XPR1: variants seen among roughly 807,000 people sequenced by gnomAD.
XPR1 encodes solute carrier family 53 member 1.
Under a neutral mutation model 87.5 loss-of-function variants are expected in XPR1, and 28 were observed. The ratio of observed to expected loss-of-function variants is 0.32; its 90% confidence interval spans 0.24 to 0.44. The LOEUF is 0.44. Ranked by LOEUF, XPR1 falls within the 20% of genes least tolerant of loss-of-function variation. XPR1 has a pLI of 1.00. For synonymous variants in XPR1, 300 were observed against 306.1 expected, an observed-to-expected ratio of 0.98 and a Z score of 0.21; for missense variants, 559 against 862.3, an observed-to-expected ratio of 0.65 and a Z score of 4.41.
intron 1 of XPR1, among the ~76,000 whole-genome samples, chr1:180,669,168 C>T (rs1371670283): frequency 6.6e-6 from 1 of 151,640 alleles, no homozygotes; most frequent in Non-Finnish European, 1.5e-5. Flanking sequence ...GTACCACATG[C>T]ACTTGAAAAG....
chr1:180,798,079 ACTGGAAAGAAATC>A (rs1158956168), intron 3 of XPR1, among the ~76,000 whole-genome samples: 13 of 152,176 alleles, frequency 8.5e-5, no homozygotes. Context: ...AATATGGAAG[ACTGGAAAGAAATC>A]CTAATAATCT....
chr1:180,845,695 T>G (rs1404515152), intron 11 of XPR1, among the ~76,000 whole-genome samples: 3 of 152,152 alleles, frequency 2.0e-5, no homozygotes, highest in African/African-American at 7.2e-5. Context: ...TAATTTTTAT[T>G]ATTGTTTTTA....
intron 2 of XPR1, among the ~76,000 whole-genome samples, chr1:180,753,509 G>T (rs1178664579): frequency 6.6e-6 from 1 of 151,210 alleles, no homozygotes; most frequent in Non-Finnish European, 1.5e-5. Context: ...AGCTGAGATC[G>T]TGCCACTGTA....
intron 1 of XPR1, among the ~76,000 whole-genome samples, chr1:180,641,983 A>G (rs915057036): frequency 1.4e-4 from 22 of 152,318 alleles, no homozygotes; most frequent in African/African-American, 5.3e-4. Context: ...CTCTGCATTA[A>G]TACATTTATC....
intron 2 of XPR1, among the ~76,000 whole-genome samples, chr1:180,696,216 A>G (rs57934607): frequency 0.022 from 2,774 of 127,684 alleles, 31 homozygotes; most frequent in Non-Finnish European, 0.032. Context: ...GTGTATATAT[A>G]TATATATATA....
At chr1:180,765,193 G>A (rs1257567758) in intron 2 of XPR1, among the ~76,000 whole-genome samples, 1 of 152,186 alleles carries the variant, frequency 6.6e-6, no homozygotes, top group Admixed American at 6.5e-5. Context: ...GAGAGTAAGT[G>A]ACTTGTGTGA....
intron 13 of XPR1, chr1:180,874,175 G>C (rs908514881): frequency 4.6e-6 from 2 of 430,270 alleles, no homozygotes; most frequent in Non-Finnish European, 8.2e-6. Context: ...GATTACAGGC[G>C]TGAGCTACTG....
chr1:180,764,089 T>TTA (rs1648171994), intron 2 of XPR1, among the ~76,000 whole-genome samples: 1 of 152,208 alleles, frequency 6.6e-6, no homozygotes, highest in Non-Finnish European at 1.5e-5. Context: ...TTGCTTGTCA[T>TTA]TATAGTGTAT....
chr1:180,638,988 A>C (rs1326981318), intron 1 of XPR1, among the ~76,000 whole-genome samples: 1 of 152,084 alleles, frequency 6.6e-6, no homozygotes, highest in Non-Finnish European at 1.5e-5. Context: ...ATGTATAGGG[A>C]CTGATCAGAA....
At chr1:180,659,193 TCTTC>T (rs550840483) in intron 1 of XPR1, among the ~76,000 whole-genome samples, 3,529 of 79,334 alleles carry the variant, frequency 0.044, 165 homozygotes, top group East Asian at 0.093. Context: ...CTGTAGTCAG[TCTTC>T]CTTCCTTCCT....
intron 2 of XPR1, among the ~76,000 whole-genome samples, chr1:180,774,429 C>T (rs1470900271): frequency 7.4e-5 from 9 of 121,938 alleles, no homozygotes; most frequent in Admixed American, 1.1e-4. Flanking sequence ...CTTGGTCTGT[C>T]GCCCAGGCTG....
At chr1:180,778,271 A>C (rs1648800821) in intron 2 of XPR1, among the ~76,000 whole-genome samples, 1 of 152,184 alleles carries the variant, frequency 6.6e-6, no homozygotes, top group African/African-American at 2.4e-5. Context: ...GGCATGAGCC[A>C]CCACACCTGA....
intron 3 of XPR1, among the ~76,000 whole-genome samples, chr1:180,794,025 G>T (rs958986471): frequency 1.3e-5 from 2 of 151,978 alleles, no homozygotes; most frequent in African/African-American, 4.8e-5. Context: ...TAAATTGTAG[G>T]TCACAACCCA....
At chr1:180,712,200 C>T (rs529785385) in intron 2 of XPR1, among the ~76,000 whole-genome samples, 29 of 152,032 alleles carry the variant, frequency 1.9e-4, no homozygotes, top group Non-Finnish European at 3.5e-4. Context: ...TACTCTTGCC[C>T]TTTGTGGCCA....
intron 11 of XPR1, among the ~76,000 whole-genome samples, chr1:180,846,197 G>A (rs566529417): frequency 1.3e-5 from 2 of 151,292 alleles, no homozygotes; most frequent in Non-Finnish European, 2.9e-5. Context: ...AGGAGGCGGA[G>A]GTTGCAGTGA....
chr1:180,782,248 A>C (rs971886092), intron 2 of XPR1, among the ~76,000 whole-genome samples: 6 of 151,892 alleles, frequency 4.0e-5, no homozygotes, highest in Non-Finnish European at 7.4e-5. Flanking sequence ...GCTCTCTCTG[A>C]ACTAGGCTTA....
At chr1:180,664,677 A>G (rs1655899194) in intron 1 of XPR1, among the ~76,000 whole-genome samples, 4 of 152,160 alleles carry the variant, frequency 2.6e-5, no homozygotes, top group Admixed American at 2.6e-4. Context: ...GTGTCCCCCC[A>G]GTCGACTGGC....
At position 180,790,174 on chromosome 1, in the gene XPR1, T is replaced by A. The variant is rs894137611; in HGVS notation, c.223+2320T>A. ...CTATAGACATTCTCATCCTTATTTATTTTCCTCCAATCTTTGTAGAAGAGA... is the reference window on the plus strand; with the variant it reads ...CTATAGACATTCTCATCCTTATTTAATTTCCTCCAATCTTTGTAGAAGAGA... On this transcript the variant is annotated intron_variant, in intron 3 of 14. Coordinates refer to ENST00000367590, the MANE Select transcript of XPR1 (RefSeq NM_004736.4). Among the ~76,000 whole-genome samples, 7 of 152,288 alleles carry A rather than the reference T, an allele frequency of 4.6e-5. No homozygotes were observed. In the East Asian group the frequency reaches 1.2e-3, roughly 25 times the overall value.
chr1:180,659,404 C>CTTCCTTCT (rs1655680485), intron 1 of XPR1, among the ~76,000 whole-genome samples: 1 of 117,154 alleles, frequency 8.5e-6, no homozygotes, highest in Non-Finnish European at 1.7e-5. Flanking sequence ...TCCTTCCTTC[C>CTTCCTTCT]TTCCTTCCTT....
Sources: allele counts gnomAD v4.1 joint callset (sites outside exome capture counted in the v4.1 genomes callset), GRCh38; gene constraint gnomAD v4.1.1; transcripts MANE v1.5; gene names NCBI Gene and HGNC (gene_info 2026-07-23, HGNC 2026-07-21).